The following B3GALT1 variants were observed in gnomAD, a reference collection of about 807,000 sequenced individuals.
B3GALT1 encodes beta-1,3-galactosyltransferase 1, also known as UDP-Gal:betaGlcNAc beta 1,3-galactosyltransferase, polypeptide 1.
A neutral mutation model predicts 23.2 loss-of-function variants in B3GALT1; 10 were observed. That is an observed-to-expected ratio of 0.43 (90% CI 0.27 to 0.73). The LOEUF is 0.73. Ranked by LOEUF, B3GALT1 falls within the 30% of genes least tolerant of loss-of-function variation. The pLI, the probability that B3GALT1 is intolerant of heterozygous loss-of-function variation, is 0.21. For missense variants in B3GALT1, 299 were observed against 405.4 expected, an observed-to-expected ratio of 0.74 and a Z score of 2.25; for synonymous variants, 156 against 141.5, an observed-to-expected ratio of 1.10 and a Z score of -0.73.
At chr2:167,513,068 CAAAAA>C (rs544667836) in intron 2 of B3GALT1, among the ~76,000 whole-genome samples, 14 of 72,540 alleles carry the variant, frequency 1.9e-4, no homozygotes, top group Admixed American at 6.1e-4. Flanking sequence ...ATTCATGCCA[CAAAAA>C]AAAAAAAAAA....
intron 1 of B3GALT1, among the ~76,000 whole-genome samples, chr2:167,350,363 C>A (rs2105254640): frequency 6.6e-6 from 1 of 152,276 alleles, no homozygotes; most frequent in Non-Finnish European, 1.5e-5. Context: ...TTCTGGATTT[C>A]TTATAAAATA....
At chr2:167,426,421 C>A (rs1698625563) in intron 1 of B3GALT1, among the ~76,000 whole-genome samples, 1 of 151,836 alleles carries the variant, frequency 6.6e-6, no homozygotes, top group South Asian at 2.1e-4. Flanking sequence ...ACTACAGGCG[C>A]CCACCACCAT....
chr2:167,370,300 G>C (rs1697662273), intron 1 of B3GALT1, among the ~76,000 whole-genome samples: 2 of 152,142 alleles, frequency 1.3e-5, no homozygotes, highest in South Asian at 4.1e-4. Context: ...TCATTTTGTT[G>C]AGCACATTTC....
intron 1 of B3GALT1, among the ~76,000 whole-genome samples, chr2:167,369,214 TG>T (rs1406106446): frequency 2.0e-5 from 3 of 151,978 alleles, no homozygotes; most frequent in Non-Finnish European, 4.4e-5. Context: ...CTATCGTGTA[TG>T]GGGCCTCTGT....
intron 3 of B3GALT1, among the ~76,000 whole-genome samples, chr2:167,663,501 G>T (rs1034286133): frequency 3.3e-5 from 5 of 152,026 alleles, no homozygotes; most frequent in South Asian, 2.1e-4. Flanking sequence ...GGGTCAAATG[G>T]TATTTCTAGT....
intron 1 of B3GALT1, among the ~76,000 whole-genome samples, chr2:167,387,402 T>C (rs1246975516): frequency 6.6e-6 from 1 of 152,208 alleles, no homozygotes; most frequent in Non-Finnish European, 1.5e-5. Flanking sequence ...TAAGGCCCTG[T>C]AGAGGAGGCG....
chr2:167,469,363 A>G (rs1255836481), intron 1 of B3GALT1, among the ~76,000 whole-genome samples: 1 of 152,220 alleles, frequency 6.6e-6, no homozygotes, highest in Non-Finnish European at 1.5e-5. Flanking sequence ...ATGCTTGTAA[A>G]ACACTTAGAA....
intron 2 of B3GALT1, among the ~76,000 whole-genome samples, chr2:167,518,797 C>T: frequency 6.6e-6 from 1 of 152,296 alleles, no homozygotes; most frequent in South Asian, 2.1e-4. Flanking sequence ...CAACCTTAAA[C>T]TTTATCCTTA....
At chr2:167,858,886 T>A (rs1487104227) in intron 4 of B3GALT1, among the ~76,000 whole-genome samples, 1 of 152,188 alleles carries the variant, frequency 6.6e-6, no homozygotes, top group Non-Finnish European at 1.5e-5. Flanking sequence ...AAAATAATAC[T>A]ACCTCTCTGT....
chr2:167,837,023 G>A (rs1008604175), intron 4 of B3GALT1, among the ~76,000 whole-genome samples: 66 of 152,134 alleles, frequency 4.3e-4, no homozygotes, highest in African/African-American at 1.5e-3. Context: ...AGCTCCTGAA[G>A]GAAGAACTAA....
In B3GALT1 at chr2:167,667,821, G is replaced by C. The variant is rs541141675; in HGVS notation, c.-352+20855G>C. Among the ~76,000 whole-genome samples the C allele has an allele frequency of 1.4e-4, 21 of 152,222 alleles. No individual in the cohort carries two copies. In the South Asian group the frequency reaches 3.5e-3, roughly 26 times the overall value. ...CATCAGATCCTTTAAGCACTTCTCT[G>C]TATTGGTTATTCAAGTTATAGATTC... On this transcript the variant is annotated intron_variant, in intron 3 of 4. Coordinates refer to ENST00000392690, the MANE Select transcript of B3GALT1 (RefSeq NM_020981.4).
intron 2 of B3GALT1, among the ~76,000 whole-genome samples, chr2:167,562,664 T>TC (rs1684030033): frequency 6.6e-6 from 1 of 151,640 alleles, no homozygotes; most frequent in South Asian, 2.1e-4. Context: ...TTTTTTTTTT[T>TC]TTAATTGATC....
At chr2:167,559,235 C>T (rs1263188575) in intron 2 of B3GALT1, among the ~76,000 whole-genome samples, 1 of 152,198 alleles carries the variant, frequency 6.6e-6, no homozygotes, top group Non-Finnish European at 1.5e-5. Context: ...TCCAACAGAC[C>T]TGCAGCTGAG....
At chr2:167,762,824 G>A (rs1687917304) in intron 3 of B3GALT1, among the ~76,000 whole-genome samples, 1 of 152,110 alleles carries the variant, frequency 6.6e-6, no homozygotes. Flanking sequence ...CTAACTTAAG[G>A]TTGAAATAGT....
rs1362472299 is a variant in B3GALT1 at position 167,799,911 on chromosome 2, TTCTG to T, written c.-351-18756_-351-18753del. ...CAAAGGTTCTTAGTTTTAACAAAAT[TTCTG>T]TCTGACTTCAATAAAAGTTCTATTA... On this transcript the variant is annotated intron_variant, in intron 3 of 4. Transcript: ENST00000392690. Among the ~76,000 whole-genome samples the T allele has an allele frequency of 8.6e-5, 13 of 151,782 alleles. No homozygotes were observed. In the South Asian group the frequency reaches 2.1e-3, roughly 24 times the overall value.
At chr2:167,785,959 G>C (rs1688337439) in intron 3 of B3GALT1, among the ~76,000 whole-genome samples, 1 of 152,168 alleles carries the variant, frequency 6.6e-6, no homozygotes, top group African/African-American at 2.4e-5. Context: ...CTTAACAACT[G>C]TTCAAATCAG....
intron 1 of B3GALT1, among the ~76,000 whole-genome samples, chr2:167,479,136 T>C (rs369065535): frequency 1.3e-5 from 2 of 152,184 alleles, no homozygotes; most frequent in African/African-American, 4.8e-5. Flanking sequence ...TTTTGGGACA[T>C]GGAGTAGATC....
intron 1 of B3GALT1, among the ~76,000 whole-genome samples, chr2:167,426,231 A>ATAGAAATT (rs1698622201): frequency 1.3e-5 from 2 of 151,572 alleles, no homozygotes; most frequent in African/African-American, 4.8e-5. Flanking sequence ...CTGGAGTATG[A>ATAGAAATT]TAGAAATTTG....
chr2:167,772,832 C>A (rs770026151), intron 3 of B3GALT1, among the ~76,000 whole-genome samples: 1 of 152,204 alleles, frequency 6.6e-6, no homozygotes, highest in Non-Finnish European at 1.5e-5. Flanking sequence ...TGACACCTGT[C>A]AAAAGGTAAT....
Sources: allele counts gnomAD v4.1 joint callset (sites outside exome capture counted in the v4.1 genomes callset), GRCh38; gene constraint gnomAD v4.1.1; transcripts MANE v1.5; gene names NCBI Gene and HGNC (gene_info 2026-07-23, HGNC 2026-07-21).